The following NOL4 variants were observed in gnomAD, a reference collection of about 807,000 sequenced individuals.
NOL4 encodes nucleolar protein 4, also known as cancer/testis antigen 125.
In NOL4, 17 loss-of-function variants were observed where a neutral mutation model predicts 75.9. That is an observed-to-expected ratio of 0.22 (90% confidence interval 0.15 to 0.34). The LOEUF (loss-of-function observed/expected upper bound fraction) is 0.34, where lower values mean the gene tolerates loss of function less well. NOL4 is among the 10% of genes least tolerant of loss of function. NOL4 has a pLI of 1.00. For missense variants in NOL4, 614 were observed against 793.5 expected (o/e 0.77, Z 2.72); for synonymous variants, 292 against 289.9 (o/e 1.01, Z -0.07).
In NOL4 at chr18:33,852,409, C is replaced by A. The variant is rs2062663007; in HGVS notation, c.*433G>T. 6.7e-6 allele frequency: 1 copy of A among 148,336 alleles called. No individual in the cohort carries two copies. The allele number at this position is 148,336 out of a possible 1,614,324, so 9.2% of individuals were successfully genotyped here. A position where few individuals can be genotyped will look rare whatever the true frequency, so the allele number is the denominator to read the frequency against. On this transcript the variant is annotated 3_prime_UTR_variant, in exon 11 of 11. Coordinates refer to ENST00000261592, the MANE Select transcript of NOL4 (RefSeq NM_003787.5). ...TTTTCATTGTTGTTATATCCTGTAG[C>A]AACAAGAAATTTGGCTTTTTTTTTT... is the stretch of plus-strand genomic sequence containing the variant.
chr18:34,196,575 G>A (rs1172022584), intron 1 of NOL4, among the ~76,000 whole-genome samples: 1 of 152,112 alleles, frequency 6.6e-6, no homozygotes, highest in Non-Finnish European at 1.5e-5. Flanking sequence ...GGATTTGGGG[G>A]CCCTCAAGCA....
At chr18:33,855,805 C>T (rs997785360) in intron 10 of NOL4, among the ~76,000 whole-genome samples, 1 of 151,730 alleles carries the variant, frequency 6.6e-6, no homozygotes, top group African/African-American at 2.4e-5. Flanking sequence ...TGTATATTTT[C>T]ATTTTACTTC....
rs2062623084 is a variant in NOL4 at position 33,851,177 on chromosome 18, C to T, written c.*1665G>A. ...TACCAGCCCTCAATTTTTGAATTTTCATTTAAATAAGCAAACTCTAAATCC... is the reference window on the plus strand; with the variant it reads ...TACCAGCCCTCAATTTTTGAATTTTTATTTAAATAAGCAAACTCTAAATCC... On this transcript the variant is annotated 3_prime_UTR_variant, in exon 11 of 11. Transcript: ENST00000261592. 1 of 152,440 alleles carries T rather than the reference C, an allele frequency of 6.6e-6. No individual in the cohort carries two copies. Among genetic ancestry groups the T allele is most frequent in the African/African-American group, 2.4e-5 (1 of 41,426 alleles). The allele number at this position is 152,440 out of a possible 1,614,324, so 9.4% of individuals were successfully genotyped here.
intron 4 of NOL4, among the ~76,000 whole-genome samples, chr18:34,101,378 C>T (rs1031823561): frequency 1.3e-5 from 2 of 152,088 alleles, no homozygotes; most frequent in African/African-American, 4.8e-5. Context: ...TACAAGAAAG[C>T]AGTAATCATA....
intron 6 of NOL4, among the ~76,000 whole-genome samples, chr18:33,965,267 G>A (rs1293533713): frequency 6.6e-6 from 1 of 152,068 alleles, no homozygotes; most frequent in African/African-American, 2.4e-5. Flanking sequence ...TTGAGGCTAG[G>A]AGTTTAAGAC....
chr18:34,112,739 C>T lies in NOL4; in HGVS notation c.415-7579G>A, dbSNP rs535945318. On this transcript the variant is annotated intron_variant, in intron 2 of 10. Coordinates refer to ENST00000261592, the MANE Select transcript of NOL4 (RefSeq NM_003787.5). ...ATGAGGAGATATTGGTCAAAGGGTACAAAGTTTCCATCATGTAGTATGAGT... is the reference window on the plus strand; with the variant it reads ...ATGAGGAGATATTGGTCAAAGGGTATAAAGTTTCCATCATGTAGTATGAGT... 7.9e-5 allele frequency among the ~76,000 whole-genome samples: 12 copies of T among 152,124 alleles called. No individual in the cohort carries two copies. In the Middle Eastern group the frequency reaches 0.014, roughly 172 times the overall value.
At chr18:34,031,903 G>A (rs963254614) in intron 5 of NOL4, among the ~76,000 whole-genome samples, 1 of 152,176 alleles carries the variant, frequency 6.6e-6, no homozygotes, top group Non-Finnish European at 1.5e-5. Flanking sequence ...CCTTGCAATG[G>A]CACTGCCCCA....
At chr18:34,178,820 C>A (rs1447882726) in intron 1 of NOL4, among the ~76,000 whole-genome samples, 1 of 151,562 alleles carries the variant, frequency 6.6e-6, no homozygotes, top group African/African-American at 2.4e-5. Flanking sequence ...AAATAGAGAA[C>A]TTGACAATGT....
At chr18:33,858,964 ATTTTATACTGTTTAAAC>A (rs2062965293) in intron 10 of NOL4, among the ~76,000 whole-genome samples, 1 of 152,002 alleles carries the variant, frequency 6.6e-6, no homozygotes, top group African/African-American at 2.4e-5. Context: ...AAAAATATTA[ATTTTATACTGTTTAAAC>A]TTTTATTTTT....
intron 9 of NOL4, among the ~76,000 whole-genome samples, chr18:33,927,622 A>G (rs958033584): frequency 5.3e-5 from 8 of 152,204 alleles, no homozygotes; most frequent in Non-Finnish European, 1.2e-4. Context: ...AAATTTGAAA[A>G]ATGTATAAGG....
intron 5 of NOL4, among the ~76,000 whole-genome samples, chr18:34,070,190 C>T (rs2077453541): frequency 6.6e-6 from 1 of 152,242 alleles, no homozygotes; most frequent in African/African-American, 2.4e-5. Flanking sequence ...TGCCACTGCG[C>T]CCAGCTAATT....
rs975909745 is a variant in NOL4 at position 34,157,620 on chromosome 18, G to GA, written c.265-27601dup. On this transcript the variant is annotated intron_variant, in intron 1 of 10. Transcript: ENST00000261592. ...AAAGGCCCAGGAAAATATGCAGAATGAAAAAAAAAAGCAGATCAAAATACA... is the reference window on the plus strand; with the variant it reads ...AAAGGCCCAGGAAAATATGCAGAATGAAAAAAAAAAAGCAGATCAAAATACA... Among the ~76,000 whole-genome samples the GA allele has an allele frequency of 2.9e-3, 405 of 138,840 alleles. 1 individual carries two copies. The highest frequency in any genetic ancestry group is 6.0e-3 in the African/African-American group (227 of 37,986). 91.1% of individuals were successfully genotyped at this position (138,840 alleles called of 152,430 possible).
Position 33,943,174 on chromosome 18 carries a change from C to G in NOL4, c.1433G>C (p.Arg478Pro). The G allele has an allele frequency of 6.3e-7, 1 of 1,595,100 alleles. No individual in the cohort carries two copies. The highest frequency in any genetic ancestry group is 8.5e-7 in the Non-Finnish European group (1 of 1,170,344). ...TGAAGTAAGGTGGGAAGGAATAGGT[C>G]GAGACTAAAAAAAAAAAGAGAAAAG... is the stretch of plus-strand genomic sequence containing the variant. ...RMKRSGFEMS[R>P]PIPSHLTSAV... Residue 478 changes from arginine to proline, a missense_variant, in exon 9 of 11, where the codon CGA becomes CCA. Around this residue, in one of 9 missense-constraint regions of NOL4, gnomAD observed 52 missense variants for 121.1 expected, o/e 0.43. Transcript: ENST00000261592.
chr18:34,108,660 A>G (rs930996391), intron 2 of NOL4, among the ~76,000 whole-genome samples: 1 of 152,222 alleles, frequency 6.6e-6, no homozygotes, highest in African/African-American at 2.4e-5. Context: ...TGGTAAATAT[A>G]TATGTACCTC....
intron 5 of NOL4, among the ~76,000 whole-genome samples, chr18:34,071,434 G>A (rs62095773): frequency 1.5e-5 from 1 of 66,522 alleles, no homozygotes; most frequent in Admixed American, 1.8e-4. Context: ...CAGACAGACA[G>A]ACAGACACAC....
At chr18:33,959,919 T>G (rs1189030034) in intron 6 of NOL4, among the ~76,000 whole-genome samples, 1 of 151,686 alleles carries the variant, frequency 6.6e-6, no homozygotes, top group African/African-American at 2.4e-5. Context: ...CTCCTCGATA[T>G]GAAGTTTTTC....
At chr18:33,881,037 C>T (rs1369925153) in intron 10 of NOL4, among the ~76,000 whole-genome samples, 1 of 151,602 alleles carries the variant, frequency 6.6e-6, no homozygotes. Flanking sequence ...CTCCCCTCAC[C>T]AAAAGAAAAC....
chr18:34,031,594 G>C (rs2075642591), intron 5 of NOL4, among the ~76,000 whole-genome samples: 1 of 152,106 alleles, frequency 6.6e-6, no homozygotes, highest in Non-Finnish European at 1.5e-5. Context: ...CCTTCACTAA[G>C]AAGAAACAAA....
intron 6 of NOL4, among the ~76,000 whole-genome samples, chr18:33,968,020 A>C (rs2070744856): frequency 6.6e-6 from 1 of 152,184 alleles, no homozygotes; most frequent in Non-Finnish European, 1.5e-5. Flanking sequence ...CGGAAGGCTG[A>C]GGTTGCAGTG....
Sources: allele counts gnomAD v4.1 joint callset (sites outside exome capture counted in the v4.1 genomes callset), GRCh38; gene constraint gnomAD v4.1.1; regional missense constraint gnomAD v4.1.1; transcripts MANE v1.5; gene names NCBI Gene and HGNC (gene_info 2026-07-23, HGNC 2026-07-21).